MOCOS: variants seen among roughly 807,000 people sequenced by gnomAD.
The protein encoded by MOCOS is human molybdenum cofactor sulfurase.
A neutral mutation model predicts 83.6 loss-of-function variants in MOCOS; 86 were observed. That is an observed-to-expected ratio of 1.03 (90% CI 0.86 to 1.23). The LOEUF is 1.23. MOCOS is among the 50% of genes most tolerant of loss of function. MOCOS has a pLI of 0.00. For missense variants in MOCOS, 1,120 were observed against 1,126.9 expected, an observed-to-expected ratio of 0.99 and a Z score of 0.09; for synonymous variants, 445 against 434.7, an observed-to-expected ratio of 1.02 and a Z score of -0.29.
chr18:36,235,359 C>T (rs1024207004), intron 9 of MOCOS, among the ~76,000 whole-genome samples: 1 of 132,052 alleles, frequency 7.6e-6, no homozygotes, highest in African/African-American at 2.9e-5. Flanking sequence ...TCAATTCCCA[C>T]CTATGAGTGA....
intron 9 of MOCOS, among the ~76,000 whole-genome samples, chr18:36,232,595 A>G (rs1388719324): frequency 6.6e-6 from 1 of 151,980 alleles, no homozygotes; most frequent in Non-Finnish European, 1.5e-5. Context: ...TATTCCTCCT[A>G]TATACCTGTA....
chr18:36,216,051 A>C, intron 8 of MOCOS, 74 bp downstream of exon 8: 1 of 1,426,990 alleles, frequency 7.0e-7, no homozygotes, highest in Non-Finnish European at 9.5e-7. Context: ...AGTGAAGAAA[A>C]GCATGAAAAA....
chr18:36,260,262 GA>G (rs989933208), intron 13 of MOCOS, 87 bp downstream of exon 13: 9 of 1,559,708 alleles, frequency 5.8e-6, no homozygotes, highest in Non-Finnish European at 8.0e-6. Context: ...CTGCAGGTGG[GA>G]CTCCCTCCCA....
intron 11 of MOCOS, among the ~76,000 whole-genome samples, chr18:36,254,169 T>C (rs1598592922): frequency 6.6e-6 from 1 of 152,224 alleles, no homozygotes; most frequent in East Asian, 1.9e-4. Context: ...TCTGGCAGTC[T>C]AAGCCATTGG....
chr18:36,187,995 G>A (rs1322322557), intron 1 of MOCOS, among the ~76,000 whole-genome samples: 2 of 152,178 alleles, frequency 1.3e-5, no homozygotes, highest in African/African-American at 4.8e-5. Flanking sequence ...ACCCCTCACT[G>A]TAAAGGGCCT....
chr18:36,231,934 A>G (rs764450841), intron 9 of MOCOS, among the ~76,000 whole-genome samples: 6 of 152,208 alleles, frequency 3.9e-5, no homozygotes, highest in East Asian at 1.9e-4. Context: ...CCTTGATCCA[A>G]CCAAATTCTA....
chr18:36,206,244 C>CTT (rs71166102), intron 6 of MOCOS, among the ~76,000 whole-genome samples: 24,196 of 103,618 alleles, frequency 0.23, 4,122 homozygotes, highest in East Asian at 0.38. Context: ...TTTCTTCCAA[C>CTT]TTTTTTTTTT....
chr18:36,252,100 G>A (rs8088846), intron 11 of MOCOS, among the ~76,000 whole-genome samples: 2,831 of 152,108 alleles, frequency 0.019, 95 homozygotes, highest in African/African-American at 0.066. Context: ...GTCTCCCCAT[G>A]CTTAAAATAG....
At chr18:36,229,791 C>T (rs1314376344) in intron 9 of MOCOS, among the ~76,000 whole-genome samples, 2 of 151,762 alleles carry the variant, frequency 1.3e-5, no homozygotes, top group African/African-American at 4.8e-5. Flanking sequence ...GCTGTTGAAC[C>T]TCTCTTATAA....
rs181327552 is a variant in MOCOS at position 36,232,656 on chromosome 18, G to A, written c.1960+12439G>A. ...CCCTATCCCCTTCTTTATCCTACCCGTCCCTGCTTTTGGTAACTACTATTC... is the reference window on the plus strand; with the variant it reads ...CCCTATCCCCTTCTTTATCCTACCCATCCCTGCTTTTGGTAACTACTATTC... On this transcript the variant is annotated intron_variant, in intron 9 of 14. Transcript: ENST00000261326. Among the ~76,000 whole-genome samples the A allele has an allele frequency of 2.4e-4, 37 of 151,694 alleles. 1 individual carries two copies. The highest frequency in any genetic ancestry group is 1.9e-3 in the East Asian group (10 of 5,160).
At chr18:36,228,223 C>A (rs1342899914) in intron 9 of MOCOS, among the ~76,000 whole-genome samples, 2 of 152,022 alleles carry the variant, frequency 1.3e-5, no homozygotes, top group Non-Finnish European at 2.9e-5. Context: ...GCTTATACAC[C>A]GTTGGTGGGA....
chr18:36,251,568 A>T (rs1308661766), intron 11 of MOCOS, among the ~76,000 whole-genome samples: 1 of 152,194 alleles, frequency 6.6e-6, no homozygotes, highest in Non-Finnish European at 1.5e-5. Flanking sequence ...ATCCAATTGT[A>T]TTAAATAAAA....
At chr18:36,188,294 C>G (rs1598866286) in intron 1 of MOCOS, among the ~76,000 whole-genome samples, 3 of 152,262 alleles carry the variant, frequency 2.0e-5, no homozygotes, top group African/African-American at 7.2e-5. Flanking sequence ...CTCTGGGGGA[C>G]TAGAAGAATT....
chr18:36,196,537 C>T (rs879691868), intron 2 of MOCOS, among the ~76,000 whole-genome samples: 1 of 152,084 alleles, frequency 6.6e-6, no homozygotes, highest in Non-Finnish European at 1.5e-5. Flanking sequence ...TTCTGTTATG[C>T]CACATTAAGG....
chr18:36,210,124 G>C (rs1413184450), intron 6 of MOCOS, among the ~76,000 whole-genome samples: 2 of 152,162 alleles, frequency 1.3e-5, no homozygotes, highest in Non-Finnish European at 2.9e-5. Context: ...TCTCTGCCAT[G>C]TTGTGGTATT....
At chr18:36,259,019 A>C (rs1407974966) in intron 12 of MOCOS, among the ~76,000 whole-genome samples, 1 of 124,600 alleles carries the variant, frequency 8.0e-6, no homozygotes, top group Non-Finnish European at 1.6e-5. Context: ...GGGATCATAC[A>C]GGATGTGTTC....
rs534355007 is a variant in MOCOS at position 36,253,230 on chromosome 18, G to A, written c.2164+1947G>A. Among the ~76,000 whole-genome samples the A allele has an allele frequency of 2.2e-3, 331 of 152,290 alleles. 3 individuals are homozygous for A. The highest frequency in any genetic ancestry group is 5.7e-3 in the African/African-American group (235 of 41,568). ...TTAGTCCTGGTCCTTTGGAGTCTCC[G>A]TTGGTGAGATCAATTGCCAGCAGAT... On this transcript the variant is annotated intron_variant, in intron 11 of 14. Coordinates refer to ENST00000261326, the MANE Select transcript of MOCOS (RefSeq NM_017947.4).
At chr18:36,236,914 C>G (rs1406357693) in intron 9 of MOCOS, among the ~76,000 whole-genome samples, 2 of 151,906 alleles carry the variant, frequency 1.3e-5, no homozygotes, top group Non-Finnish European at 2.9e-5. Flanking sequence ...GGAGTTCACT[C>G]ATGATTTGGC....
intron 1 of MOCOS, among the ~76,000 whole-genome samples, chr18:36,192,516 C>T (rs1241261416): frequency 1.3e-5 from 2 of 152,138 alleles, no homozygotes; most frequent in African/African-American, 2.4e-5. Context: ...GTTAACATGG[C>T]AATAATCCCC....
Sources: gnomAD v4.1 joint callset for allele counts (sites outside exome capture counted in the v4.1 genomes callset) on GRCh38, gnomAD v4.1.1 for gene constraint, MANE v1.5 for transcripts, NCBI Gene and HGNC (gene_info 2026-07-23, HGNC 2026-07-21) for gene names.